The following THOP1 variants were observed in gnomAD, a reference collection of about 807,000 sequenced individuals.
The protein encoded by THOP1 is thimet oligopeptidase.
In THOP1, 49 loss-of-function variants were observed where a neutral mutation model predicts 71.8. That is an observed-to-expected ratio of 0.68 (90% confidence interval 0.54 to 0.87). The LOEUF (loss-of-function observed/expected upper bound fraction) is 0.87. Among genes scored for constraint, THOP1 ranks in the 40% least tolerant of loss-of-function variants. The probability of loss-of-function intolerance (pLI) is 0.00; values close to 1 mark genes in which losing one functional copy is unlikely to be tolerated. For synonymous variants in THOP1, 426 were observed against 421.5 expected (o/e 1.01, Z -0.13); for missense variants, 843 against 975.6 (o/e 0.86, Z 1.81).
chr19:2,807,269 G>A (rs371285359), intron 7 of THOP1, among the ~76,000 whole-genome samples, 173 bp from the exon 8 acceptor site: 4 of 152,148 alleles, frequency 2.6e-5, no homozygotes, highest in South Asian at 2.1e-4. Context: ...ACCCGGCCCC[G>A]CCGCCCCCTC....
chr19:2,804,897 GCT>G lies in THOP1; in HGVS notation c.590-118_590-117del. The G allele has an allele frequency of 9.7e-7, 1 of 1,027,314 alleles. No homozygotes were observed. The highest frequency in any genetic ancestry group is 1.4e-6 in the Non-Finnish European group (1 of 729,396). 63.6% of individuals were successfully genotyped at this position (1,027,314 alleles called of 1,614,324 possible). ...GGTGGTGGCCAGGCTGCAGCTGCTC[GCT>G]GAGGGCCCCCTTGTAGCTTTCCAGG... On this transcript the variant is annotated intron_variant, in intron 5 of 12. Coordinates refer to ENST00000307741, the MANE Select transcript of THOP1 (RefSeq NM_003249.5). The surrounding 1 kb of genome is among the most constrained non-coding windows in gnomAD (Gnocchi z 4.7).
chr19:2,808,572 A>C lies in THOP1; in HGVS notation c.1455+128A>C, dbSNP rs115505966. 72 of 1,070,978 alleles carry C rather than the reference A, an allele frequency of 6.7e-5. No homozygotes were observed. The African/African-American group carries it at 1.0e-3, about 15-fold the overall frequency. 66.3% of individuals were successfully genotyped at this position (1,070,978 alleles called of 1,614,324 possible). A position where few individuals can be genotyped will look rare whatever the true frequency, so the allele number is the denominator to read the frequency against. ...ACCCGTCCGGTGGCTCCTTCATCCA[A>C]TGCCACCCAAAGATGGTGACTCCCT... is the stretch of plus-strand genomic sequence containing the variant. On this transcript the variant is annotated intron_variant, in intron 9 of 12. Transcript: ENST00000307741.
In THOP1 at chr19:2,812,174, A is replaced by G. The variant is rs909297953; in HGVS notation, c.1908+440A>G. ...CTCTGGAGAAGGCTTGGCGTTTGCC[A>G]TTCATTTGCTCCTCCAACCTCCAGT... On this transcript the variant is annotated intron_variant, in intron 12 of 12. Transcript: ENST00000307741. The G allele has an allele frequency of 2.4e-5, 35 of 1,485,030 alleles. 1 individual carries two copies. The African/African-American group carries it at 4.2e-4, about 18-fold the overall frequency. The allele number at this position is 1,485,030 out of a possible 1,614,324, so 92.0% of individuals were successfully genotyped here. A position where few individuals can be genotyped will look rare whatever the true frequency, so the allele number is the denominator to read the frequency against.
rs372119051 is a variant in THOP1 at position 2,810,753 on chromosome 19, G to T, written c.1756G>T (p.Val586Phe). ...GCGGCTCTGCCAGGAGATCCTCGGG[G>T]TCCCGGCCACGCCAGGTAGCCACCC... is the stretch of plus-strand genomic sequence containing the variant. ...YARLCQEILG[V>F]PATPGTNMPA... Residue 586 changes from valine to phenylalanine, a missense_variant, in exon 11 of 13, where the codon GTC (valine) becomes TTC (phenylalanine). Physicochemically the swap from Val to Phe is conservative, Grantham distance 50. Coordinates refer to ENST00000307741, the MANE Select transcript of THOP1 (RefSeq NM_003249.5). 7 of 1,602,408 alleles carry T rather than the reference G, an allele frequency of 4.4e-6. No individual in the cohort carries two copies. Among genetic ancestry groups the T allele is most frequent in the Non-Finnish European group, 5.1e-6 (6 of 1,176,456 alleles).
In THOP1 at chr19:2,804,354, G is replaced by T. The variant is rs188706338; in HGVS notation, c.590-662G>T. ...GTGGAGAAGGGACAGCAGGGCTCCAGTGAGAAGCTCTGGGAGTAGGAATTG... is the reference window on the plus strand; with the variant it reads ...GTGGAGAAGGGACAGCAGGGCTCCATTGAGAAGCTCTGGGAGTAGGAATTG... On this transcript the variant is annotated intron_variant, in intron 5 of 12. Transcript: ENST00000307741. This position sits in a 1 kb window ranked among gnomAD's most constrained non-coding sequence, Gnocchi z 4.7. 2.5e-3 allele frequency among the ~76,000 whole-genome samples: 384 copies of T among 152,334 alleles called. 1 individual carries two copies. Among genetic ancestry groups the T allele is most frequent in the African/African-American group, 8.9e-3 (370 of 41,578 alleles).
rs150826546 is a variant in THOP1 at position 2,797,585 on chromosome 19, C to T, written c.486+1397C>T. ...CCTCATATCCGATAGCCTTTGCCTT[C>T]GGCGATCTCACCAGAATGTGGGCTG... On this transcript the variant is annotated intron_variant, in intron 4 of 12. Transcript: ENST00000307741. Among the ~76,000 whole-genome samples the T allele has an allele frequency of 9.5e-3, 1,452 of 152,368 alleles. 21 individuals are homozygous for T. Among genetic ancestry groups the T allele is most frequent in the African/African-American group, 0.033 (1,358 of 41,578 alleles).
At position 2,790,574 on chromosome 19, in the gene THOP1, A is replaced by G. The variant is rs762493136; in HGVS notation, c.170A>G (p.Glu57Gly). The G allele has an allele frequency of 1.5e-5, 24 of 1,606,254 alleles. No homozygotes were observed. The South Asian group carries it at 2.7e-4, about 18-fold the overall frequency. Residue 57 changes from glutamate (E) to glycine (G), a missense_variant, in exon 2 of 13, where the codon GAG (glutamate) becomes GGG (glycine). By Grantham distance (98) the Glu-to-Gly change is moderately conservative. Transcript: ENST00000307741. Reference sequence around the variant, plus strand: ...GACCAGGTTGGCACCCAGGAGTTTGAGGACGTGTCCTACGAGAGCACGCTC... The same window carrying G: ...GACCAGGTTGGCACCCAGGAGTTTGGGGACGTGTCCTACGAGAGCACGCTC... ...VYDQVGTQEF[E>G]DVSYESTLKA... is the part of the protein sequence containing the mutation.
At chr19:2,796,872 C>G (rs940322122) in intron 4 of THOP1, among the ~76,000 whole-genome samples, 15 of 152,196 alleles carry the variant, frequency 9.9e-5, no homozygotes, top group African/African-American at 3.4e-4. Context: ...CCTCCACCCA[C>G]TGCCCGGTGT....
chr19:2,808,146 G>C, intron 8 of THOP1, 97 bp from the exon 9 acceptor site: 3 of 1,372,948 alleles, frequency 2.2e-6, no homozygotes, highest in Non-Finnish European at 3.0e-6. Context: ...GTGCCCGGCG[G>C]TCTGGGTTAG....
intron 3 of THOP1, among the ~76,000 whole-genome samples, chr19:2,795,636 G>C (rs1599522243): frequency 1.3e-5 from 2 of 152,122 alleles, no homozygotes; most frequent in Non-Finnish European, 2.9e-5. Context: ...CGCTTGTCTC[G>C]AACTCCTGGG....
At chr19:2,808,527 C>T (rs993350594) in intron 9 of THOP1, 83 bp downstream of exon 9, 41 of 1,406,074 alleles carry the variant, frequency 2.9e-5, no homozygotes, top group South Asian at 1.9e-4. Flanking sequence ...CCTGGGGCTT[C>T]GGCTTCCGGC....
In THOP1 at chr19:2,801,090, A is replaced by G. The variant is rs1291848111; in HGVS notation, c.589+1299A>G. Among the ~76,000 whole-genome samples the G allele has an allele frequency of 6.6e-6, 1 of 152,180 alleles. No individual in the cohort carries two copies. The highest frequency in any genetic ancestry group is 1.5e-5 in the Non-Finnish European group (1 of 68,044). ...AGTACTTTCATGAGAGAAGGTGCAG[A>G]GGTGGATTCTGGGATTAGCAGGTGA... is the stretch of plus-strand genomic sequence containing the variant. On this transcript the variant is annotated intron_variant, in intron 5 of 12. Coordinates refer to ENST00000307741, the MANE Select transcript of THOP1 (RefSeq NM_003249.5). The surrounding 1 kb of genome is among the most constrained non-coding windows in gnomAD (Gnocchi z 5.1).
chr19:2,786,587 T>G (rs1218922697), intron 1 of THOP1, among the ~76,000 whole-genome samples: 1 of 151,752 alleles, frequency 6.6e-6, no homozygotes, highest in African/African-American at 2.4e-5. Context: ...TGTGTACTGT[T>G]TATTTATTTA....
chr19:2,805,540 G>C lies in THOP1; in HGVS notation c.750+364G>C, dbSNP rs1916268642. On this transcript the variant is annotated intron_variant, in intron 6 of 12. Coordinates refer to ENST00000307741, the MANE Select transcript of THOP1 (RefSeq NM_003249.5). This position sits in a 1 kb window ranked among gnomAD's most constrained non-coding sequence, Gnocchi z 6.6. ...CTTTTGTCTTAAATGATGGTGCCCG[G>C]ACCTGAGCCTGGGTCCACAGGTGGG... Among the ~76,000 whole-genome samples the C allele has an allele frequency of 6.6e-6, 1 of 152,206 alleles. No homozygotes were observed. Among genetic ancestry groups the C allele is most frequent in the African/African-American group, 2.4e-5 (1 of 41,450 alleles).
intron 2 of THOP1, among the ~76,000 whole-genome samples, chr19:2,794,546 C>A (rs956403468): frequency 2.6e-5 from 4 of 152,184 alleles, no homozygotes; most frequent in Admixed American, 2.0e-4. Flanking sequence ...GTAAGATCTC[C>A]AAGGACACAG....
intron 7 of THOP1, 105 bp downstream of exon 7, chr19:2,807,157 T>C: frequency 1.4e-6 from 2 of 1,387,344 alleles, no homozygotes; most frequent in South Asian, 1.5e-5. Flanking sequence ...TTTCCCTCCA[T>C]GAAGAGGGAC....
In THOP1 at chr19:2,805,057, G is replaced by C. The variant is rs1916256612; in HGVS notation, c.631G>C (p.Glu211Gln). The change falls in exon 6 of 13, where the codon GAG becomes CAG. Residue 211 changes from glutamate to glutamine, a missense_variant. By Grantham distance (29) the Glu-to-Gln change is conservative. Transcript: ENST00000307741. The surrounding 1 kb of genome is among the most constrained non-coding windows in gnomAD (Gnocchi z 6.6). ...EDFLNSLEKM[E>Q]DGKLKVTLKY... ...CTTTCTGAACTCCCTGGAGAAGATG[G>C]AGGACGGCAAGTTGAAGGTCACCCT... The C allele has an allele frequency of 1.4e-5, 23 of 1,612,874 alleles. No individual in the cohort carries two copies. Among genetic ancestry groups the C allele is most frequent in the Non-Finnish European group, 1.9e-5 (23 of 1,179,792 alleles).
intron 4 of THOP1, among the ~76,000 whole-genome samples, chr19:2,796,877 C>T (rs910842062): frequency 3.9e-5 from 6 of 152,192 alleles, no homozygotes; most frequent in Admixed American, 3.3e-4. Context: ...ACCCACTGCC[C>T]GGTGTGCCTG....
chr19:2,810,239 G>T, intron 9 of THOP1, 65 bp from the exon 10 acceptor site: 1 of 1,557,362 alleles, frequency 6.4e-7, no homozygotes, highest in Non-Finnish European at 8.7e-7. Flanking sequence ...GCTGACACGG[G>T]CCAGGCCGGC....
Sources: gnomAD v4.1 joint callset for allele counts (sites outside exome capture counted in the v4.1 genomes callset) on GRCh38, gnomAD v4.1.1 for gene constraint, Gnocchi (gnomAD v3.1) non-coding constraint, MANE v1.5 for transcripts, NCBI Gene and HGNC (gene_info 2026-07-23, HGNC 2026-07-21) for gene names.